TBCD: variants seen among roughly 807,000 people sequenced by gnomAD.
TBCD encodes tubulin-specific chaperone D.
TBCD carries 105 observed loss-of-function variants against 169.3 expected under a neutral mutation model. The ratio of observed to expected loss-of-function variants is 0.62; its 90% CI spans 0.53 to 0.73. The LOEUF is 0.73. Ranked by LOEUF, TBCD falls within the 30% of genes least tolerant of loss-of-function variation. The pLI, the probability that TBCD is intolerant of heterozygous loss-of-function variation, is 0.00. For missense variants in TBCD, 1,444 were observed against 1,600.1 expected (o/e 0.90, Z 1.66); for synonymous variants, 700 against 643.9 (o/e 1.09, Z -1.32).
Position 82,778,015 on chromosome 17 carries a change from G to T in TBCD, c.639-3574G>T, listed in dbSNP as rs545019564. ...CCTGTCTGGGCATAACAGAAGGCTC[G>T]CACTCTTGTCTTCTGGTCACACCTC... On this transcript the variant is annotated intron_variant, in intron 6 of 38. Transcript: ENST00000355528. 2.6e-5 allele frequency among the ~76,000 whole-genome samples: 4 copies of T among 152,316 alleles called. No homozygotes were observed. In the East Asian group the frequency reaches 7.7e-4, roughly 29 times the overall value.
Position 82,800,854 on chromosome 17 carries a change from T to G in TBCD, c.818-10T>G. 1 of 1,611,500 alleles carries G rather than the reference T, an allele frequency of 6.2e-7. No individual in the cohort carries two copies. The highest frequency in any genetic ancestry group is 8.5e-7 in the Non-Finnish European group (1 of 1,179,122). ...GCCCTTCCTGCGCTGAGTCCAGTTC[T>G]TGTTTGCAGCTGCCACTGTCCTCAG... On this transcript the variant is annotated splice_polypyrimidine_tract_variant and intron_variant, in intron 8 of 38. Transcript: ENST00000355528.
At chr17:82,774,422 C>T in intron 6 of TBCD, among the ~76,000 whole-genome samples, 1 of 152,228 alleles carries the variant, frequency 6.6e-6, no homozygotes, top group East Asian at 1.9e-4. Context: ...TAGTACAGAA[C>T]AAAATCGAGT....
chr17:82,908,249 G>A (rs1568012735), intron 21 of TBCD: 1 of 454,466 alleles, frequency 2.2e-6, no homozygotes, highest in African/African-American at 2.0e-5. Flanking sequence ...TGCTCTCCTG[G>A]TGGAGTTGGG....
intron 13 of TBCD, among the ~76,000 whole-genome samples, chr17:82,816,672 C>T (rs1345001450): frequency 1.3e-5 from 2 of 151,778 alleles, no homozygotes; most frequent in Non-Finnish European, 1.5e-5. Context: ...TAGCTGGGAC[C>T]ACCGGTGCCC....
chr17:82,821,120 A>AT (rs1229856419), intron 13 of TBCD, among the ~76,000 whole-genome samples: 1 of 151,144 alleles, frequency 6.6e-6, no homozygotes, highest in Non-Finnish European at 1.5e-5. Flanking sequence ...TGGAAAAAAA[A>AT]ATTGTAGAAA....
At chr17:82,799,228 A>G (rs1459753162) in intron 8 of TBCD, among the ~76,000 whole-genome samples, 3 of 151,922 alleles carry the variant, frequency 2.0e-5, no homozygotes, top group Non-Finnish European at 4.4e-5. Flanking sequence ...GTGGATCACG[A>G]GGTCAGGAGA....
At chr17:82,809,483 C>T (rs896961752) in intron 11 of TBCD, among the ~76,000 whole-genome samples, 8 of 152,144 alleles carry the variant, frequency 5.3e-5, no homozygotes, top group Non-Finnish European at 1.0e-4. Flanking sequence ...TACCCTGTGC[C>T]GCGTGTGCTC....
chr17:82,911,397 G>A (rs1458278424), intron 22 of TBCD, among the ~76,000 whole-genome samples: 1 of 152,204 alleles, frequency 6.6e-6, no homozygotes, highest in African/African-American at 2.4e-5. Flanking sequence ...TGGTAGAACC[G>A]CAGTGCACTG....
chr17:82,777,194 A>G (rs1207259841), intron 6 of TBCD, among the ~76,000 whole-genome samples: 1 of 152,080 alleles, frequency 6.6e-6, no homozygotes, highest in East Asian at 1.9e-4. Flanking sequence ...TCTACCGTTT[A>G]TTAAGACAGA....
At chr17:82,823,328 A>G (rs997187074) in intron 13 of TBCD, among the ~76,000 whole-genome samples, 2 of 152,316 alleles carry the variant, frequency 1.3e-5, no homozygotes, top group East Asian at 3.9e-4. Context: ...GCACGTCCTG[A>G]CATGGCCCCA....
chr17:82,907,693 C>A, intron 20 of TBCD, 68 bp from the exon 21 acceptor site: 1 of 1,555,640 alleles, frequency 6.4e-7, no homozygotes. Context: ...GGCCTCAGCT[C>A]CTCCGAGTGT....
At chr17:82,926,310 T>C in intron 27 of TBCD, 90 bp from the exon 28 acceptor site, 2 of 1,220,514 alleles carry the variant, frequency 1.6e-6, no homozygotes, top group Admixed American at 3.9e-5. Context: ...TGGTGTGGGG[T>C]CTGTGGCTCC....
At chr17:82,906,884 T>C (rs2060289627) in intron 20 of TBCD, among the ~76,000 whole-genome samples, 1 of 152,212 alleles carries the variant, frequency 6.6e-6, no homozygotes, top group African/African-American at 2.4e-5. Context: ...ATGGCGCTGC[T>C]CTGTGGTTGT....
chr17:82,896,955 C>T (rs1286704617), intron 17 of TBCD, among the ~76,000 whole-genome samples: 1 of 151,944 alleles, frequency 6.6e-6, no homozygotes, highest in Non-Finnish European at 1.5e-5. Context: ...TGGCCATTGT[C>T]ATGGGGGTGT....
rs565671741 is a variant in TBCD, at chr17:82,832,526, G to C, written c.1318+17592G>C. On this transcript the variant is annotated intron_variant, in intron 13 of 38. Transcript: ENST00000355528. This position sits in a 1 kb window ranked among gnomAD's most constrained non-coding sequence, Gnocchi z 4.9. ...CTGTCGACGCCGCGTGCACTTCGTGGTTTCTAAAGAGGCACCTCCCGCTTT... is the reference window on the plus strand; with the variant it reads ...CTGTCGACGCCGCGTGCACTTCGTGCTTTCTAAAGAGGCACCTCCCGCTTT... 2.8e-6 allele frequency: 4 copies of C among 1,405,808 alleles called. No individual in the cohort carries two copies. The highest frequency in any genetic ancestry group is 4.0e-6 in the Non-Finnish European group (4 of 1,006,212). 87.1% of individuals were successfully genotyped at this position (1,405,808 alleles called of 1,614,324 possible).
chr17:82,905,993 C>T lies in TBCD; in HGVS notation c.1862C>T (p.Ser621Leu), dbSNP rs201176158. 4 of 1,613,170 alleles carry T rather than the reference C, an allele frequency of 2.5e-6. No individual in the cohort carries two copies. Among genetic ancestry groups the T allele is most frequent in the East Asian group, 2.2e-5 (1 of 44,864 alleles). The change falls in exon 20 of 39, where the codon TCG (serine) becomes TTG (leucine). Residue 621 changes from serine to leucine, a missense_variant. Coordinates refer to ENST00000355528, the MANE Select transcript of TBCD (RefSeq NM_005993.5). ...CCAGATCTTCACATGAGGCATGGGT[C>T]GATTCTCGCCTGCGCAGAAGTTGCT... Reference protein sequence around the residue: ...LSPDLHMRHGSILACAEVAYA... With the variant: ...LSPDLHMRHGLILACAEVAYA...
chr17:82,885,193 C>G (rs2058637827), intron 15 of TBCD, among the ~76,000 whole-genome samples: 1 of 151,442 alleles, frequency 6.6e-6, no homozygotes. Flanking sequence ...GTGTGTGGCC[C>G]CTGGTGAGTG....
rs2053669982 is a variant in TBCD at position 82,833,207 on chromosome 17, C to T, written c.1318+18273C>T. On this transcript the variant is annotated intron_variant, in intron 13 of 38. Transcript: ENST00000355528. The surrounding 1 kb of genome is among the most constrained non-coding windows in gnomAD (Gnocchi z 4.7). Reference sequence around the variant, plus strand: ...CCCTCACTTTTACACAGAGCGTGGGCTGGCCACCGTCTACTTGCTCCTACC... The same window carrying T: ...CCCTCACTTTTACACAGAGCGTGGGTTGGCCACCGTCTACTTGCTCCTACC... Among the ~76,000 whole-genome samples, 1 of 152,066 alleles carries T rather than the reference C, an allele frequency of 6.6e-6. No individual in the cohort carries two copies.
intron 23 of TBCD, among the ~76,000 whole-genome samples, chr17:82,914,537 C>T (rs970949954): frequency 6.6e-5 from 10 of 152,338 alleles, no homozygotes; most frequent in East Asian, 3.9e-4. Context: ...TCCCTCACAC[C>T]GCTGAGTGCA....
Sources: allele counts gnomAD v4.1 joint callset (sites outside exome capture counted in the v4.1 genomes callset), GRCh38; gene constraint gnomAD v4.1.1; non-coding constraint Gnocchi (gnomAD v3.1); transcripts MANE v1.5; gene names NCBI Gene and HGNC (gene_info 2026-07-23, HGNC 2026-07-21).